KRTDAP: variants seen among roughly 807,000 people sequenced by gnomAD.
KRTDAP encodes the protein keratinocyte differentiation-associated protein.
Under a neutral mutation model 18.6 loss-of-function variants are expected in KRTDAP, and 14 were observed. The ratio of observed to expected loss-of-function variants is 0.75; its 90% CI spans 0.50 to 1.18. KRTDAP has a LOEUF of 1.18. KRTDAP is among the 50% of genes most tolerant of loss of function. The pLI, the probability that KRTDAP is intolerant of heterozygous loss-of-function variation, is 0.00. For synonymous variants in KRTDAP, 53 were observed against 49.5 expected (o/e 1.07, Z -0.29); for missense variants, 114 against 121.3 (o/e 0.94, Z 0.28).
chr19:35,488,610 C>T (rs956854771), intron 3 of KRTDAP, 52 bp downstream of exon 3: 4 of 1,609,298 alleles, frequency 2.5e-6, no homozygotes, highest in Non-Finnish European at 2.6e-6. Flanking sequence ...AGGCGTTTAT[C>T]CCCTCTGTGA....
chr19:35,488,849 G>T lies in KRTDAP; in HGVS notation c.88-9C>A. The stretch of plus-strand genomic sequence containing the variant: ...TCAATGGTGCTTTCTTCCTGGAAAA[G>T]GAGAGGGAGAAAAGGCGGCAGGGGG... On this transcript the variant is annotated splice_polypyrimidine_tract_variant and intron_variant, in intron 1 of 5. Transcript: ENST00000338897. 6.2e-7 allele frequency: 1 copy of T among 1,613,772 alleles called. No homozygotes were observed. The highest frequency in any genetic ancestry group is 8.5e-7 in the Non-Finnish European group (1 of 1,179,974).
rs764010719 is a variant in KRTDAP at position 35,490,418 on chromosome 19, C to T, written c.25G>A (p.Val9Met). 2.3e-5 allele frequency: 37 copies of T among 1,613,610 alleles called. No individual in the cohort carries two copies. The highest frequency in any genetic ancestry group is 4.5e-5 in the East Asian group (2 of 44,882). ...AGCACCAGGAGGGAGAGGAGCACCA[C>T]GGCAGGAAGGACCGGGATCTTCATG... Reference protein sequence around the residue: MKIPVLPAVVLLSLLVLHS... With the variant: MKIPVLPAMVLLSLLVLHS... The change falls in exon 1 of 6, where the codon GTG (valine) becomes ATG (methionine). Residue 9 changes from valine (V) to methionine (M), a missense_variant. Coordinates refer to ENST00000338897, the MANE Select transcript of KRTDAP (RefSeq NM_207392.3).
In KRTDAP at chr19:35,487,331, T is replaced by A. The variant is rs2067496485; in HGVS notation, c.*97A>T. The A allele has an allele frequency of 3.5e-6, 4 of 1,153,118 alleles. No homozygotes were observed. Among genetic ancestry groups the A allele is most frequent in the Non-Finnish European group, 5.3e-6 (4 of 759,690 alleles). The allele number at this position is 1,153,118 out of a possible 1,614,324, so 71.4% of individuals were successfully genotyped here. On this transcript the variant is annotated 3_prime_UTR_variant, in exon 6 of 6. Coordinates refer to ENST00000338897, the MANE Select transcript of KRTDAP (RefSeq NM_207392.3). ...AGACGCAGATACAGGAGCTGTTGGA[T>A]GGAAAATGTTTTATTGGAGTTCCTG... is the stretch of plus-strand genomic sequence containing the variant.
At chr19:35,488,150 T>C (rs1487599064) in intron 4 of KRTDAP, among the ~76,000 whole-genome samples, 3 of 152,214 alleles carry the variant, frequency 2.0e-5, no homozygotes, top group African/African-American at 4.8e-5. Flanking sequence ...AGTTTTTCCA[T>C]AGAGGATGAG....
chr19:35,488,798 T>C lies in KRTDAP; in HGVS notation c.126+4A>G, dbSNP rs754907378. Reference sequence around the variant, plus strand: ...TGGAGGGCCGGGGAAAACAGACGGCTTACCTCGGGTCGTGACGCATAATTC... The same window carrying C: ...TGGAGGGCCGGGGAAAACAGACGGCCTACCTCGGGTCGTGACGCATAATTC... On this transcript the variant is annotated splice_donor_region_variant and intron_variant, in intron 2 of 5. Coordinates refer to ENST00000338897, the MANE Select transcript of KRTDAP (RefSeq NM_207392.3). 6.2e-6 allele frequency: 10 copies of C among 1,614,054 alleles called. No individual in the cohort carries two copies. The highest frequency in any genetic ancestry group is 5.1e-6 in the Non-Finnish European group (6 of 1,180,020).
intron 1 of KRTDAP, among the ~76,000 whole-genome samples, chr19:35,489,366 G>A (rs2067510074): frequency 6.6e-6 from 1 of 152,182 alleles, no homozygotes; most frequent in Non-Finnish European, 1.5e-5. Flanking sequence ...TCTTCCCCAT[G>A]ACAGAGCCCA....
chr19:35,489,721 G>A (rs2067511805), intron 1 of KRTDAP, among the ~76,000 whole-genome samples: 1 of 152,130 alleles, frequency 6.6e-6, no homozygotes, highest in East Asian at 1.9e-4. Context: ...CTCTCTGGCT[G>A]AGGACTGGAT....
intron 1 of KRTDAP, among the ~76,000 whole-genome samples, chr19:35,489,955 C>A (rs2067513033): frequency 6.6e-6 from 1 of 152,178 alleles, no homozygotes; most frequent in Admixed American, 6.5e-5. Flanking sequence ...GGATGCAGGC[C>A]TGGGTTTGGA....
At chr19:35,487,788 T>A in intron 4 of KRTDAP, 29 bp from the exon 5 acceptor site, 1 of 1,570,412 alleles carries the variant, frequency 6.4e-7, no homozygotes, top group Admixed American at 1.7e-5. Context: ...AAGAGAGTGA[T>A]GTGTTGCAGG....
At chr19:35,488,928 T>C in intron 1 of KRTDAP, 88 bp from the exon 2 acceptor site, 1 of 1,268,414 alleles carries the variant, frequency 7.9e-7, no homozygotes, top group African/African-American at 1.5e-5. Flanking sequence ...TCTGCCTTCA[T>C]CCACAGCCCA....
In KRTDAP at chr19:35,487,405, C is replaced by T. The variant is rs759143959; in HGVS notation, c.*23G>A. 1.2e-5 allele frequency: 20 copies of T among 1,612,040 alleles called. No individual in the cohort carries two copies. Among genetic ancestry groups the T allele is most frequent in the Non-Finnish European group, 1.5e-5 (18 of 1,178,052 alleles). On this transcript the variant is annotated 3_prime_UTR_variant, in exon 6 of 6. Coordinates refer to ENST00000338897, the MANE Select transcript of KRTDAP (RefSeq NM_207392.3). ...TTGAGAATCAGCGCTCACGCTAGCC[C>T]CCTCTTCCAGTGGAGGTCATGGTCA... is the stretch of plus-strand genomic sequence containing the variant.
Position 35,488,457 on chromosome 19 carries a change from C to G in KRTDAP, c.197G>C (p.Trp66Ser). 1 of 1,613,196 alleles carries G rather than the reference C, an allele frequency of 6.2e-7. No homozygotes were observed. Among genetic ancestry groups the G allele is most frequent in the Non-Finnish European group, 8.5e-7 (1 of 1,179,686 alleles). Residue 66 changes from tryptophan to serine, a missense_variant, in exon 4 of 6, where the codon TGG becomes TCG. Transcript: ENST00000338897. ...AGCACTCACCTCAAAGAGGGCGTGC[C>G]AGTTCAGGAACTCATCAGCCTTAAA... is the stretch of plus-strand genomic sequence containing the variant. ...SAFKADEFLNWHALFESIKRK... is the reference protein window; with the variant it reads ...SAFKADEFLNSHALFESIKRK...
chr19:35,487,791 GTTGCAGGT>G (rs2067499829), intron 4 of KRTDAP, 32 bp from the exon 5 acceptor site: 5 of 1,549,776 alleles, frequency 3.2e-6, no homozygotes, highest in Non-Finnish European at 3.6e-6. Flanking sequence ...AGAGTGATGT[GTTGCAGGT>G]CAGCCGGGCA....
At chr19:35,488,328 A>T in intron 4 of KRTDAP, 113 bp downstream of exon 4, 1 of 1,078,256 alleles carries the variant, frequency 9.3e-7, no homozygotes, top group Non-Finnish European at 1.4e-6. Flanking sequence ...CAGGACAGTC[A>T]CTCCCTCCCA....
intron 1 of KRTDAP, 62 bp from the exon 2 acceptor site, chr19:35,488,902 A>G: frequency 6.7e-7 from 1 of 1,500,892 alleles, no homozygotes; most frequent in Non-Finnish European, 9.2e-7. Flanking sequence ...CCTTGCCCAC[A>G]TCCCTGTCTG....
At chr19:35,488,269 C>T (rs1057511289) in intron 4 of KRTDAP, among the ~76,000 whole-genome samples, 172 bp downstream of exon 4, 6 of 152,196 alleles carry the variant, frequency 3.9e-5, no homozygotes, top group East Asian at 1.9e-4. Flanking sequence ...CCAGGACTGG[C>T]GCCGGGGGAA....
chr19:35,487,853 A>G (rs1317114180), intron 4 of KRTDAP, 94 bp from the exon 5 acceptor site: 18 of 776,234 alleles, frequency 2.3e-5, no homozygotes, highest in Non-Finnish European at 3.9e-5. Flanking sequence ...CAGTAACCAT[A>G]GTAACAATAA....
chr19:35,487,378 G>C lies in KRTDAP; in HGVS notation c.*50C>G. On this transcript the variant is annotated 3_prime_UTR_variant, in exon 6 of 6. Coordinates refer to ENST00000338897, the MANE Select transcript of KRTDAP (RefSeq NM_207392.3). ...CCTGAGGCAGGAAAGAGTTATGGTAGGTTGAGAATCAGCGCTCACGCTAGC... is the reference window on the plus strand; with the variant it reads ...CCTGAGGCAGGAAAGAGTTATGGTACGTTGAGAATCAGCGCTCACGCTAGC... 6.4e-7 allele frequency: 1 copy of C among 1,564,610 alleles called. No individual in the cohort carries two copies. The highest frequency in any genetic ancestry group is 2.2e-5 in the East Asian group (1 of 44,722).
At position 35,487,730 on chromosome 19, in the gene KRTDAP, G is replaced by T. The variant is rs137857025; in HGVS notation, c.243C>A (p.Asn81Lys). ...CTCTTACCTTAGGAAAGGCATCCCA[G>T]TTGAGGAAAGGAAGTTTCCTTTTGA... is the stretch of plus-strand genomic sequence containing the variant. ...ESIKRKLPFLNWDAFPKLKGL... is the reference protein window; with the variant it reads ...ESIKRKLPFLKWDAFPKLKGL... The change falls in exon 5 of 6, where the codon AAC becomes AAA. Residue 81 changes from asparagine (N) to lysine (K), a missense_variant. Transcript: ENST00000338897. The T allele has an allele frequency of 1.4e-4, 224 of 1,613,210 alleles. No individual in the cohort carries two copies. The highest frequency in any genetic ancestry group is 1.7e-4 in the Non-Finnish European group (205 of 1,179,344).
Sources: allele counts gnomAD v4.1 joint callset (sites outside exome capture counted in the v4.1 genomes callset), GRCh38; gene constraint gnomAD v4.1.1; transcripts MANE v1.5; gene names NCBI Gene and HGNC (gene_info 2026-07-23, HGNC 2026-07-21).